SYNPR: variants seen among roughly 807,000 people sequenced by gnomAD.
SYNPR encodes synaptoporin.
In SYNPR, 23 loss-of-function variants were observed where a neutral mutation model predicts 32.9. The observed-to-expected ratio is 0.70, with a 90% confidence interval of 0.50 to 0.99. SYNPR has a LOEUF of 0.99. SYNPR is among the 50% of genes least tolerant of loss of function. The pLI is 0.00. For synonymous variants in SYNPR, 146 were observed against 135.9 expected, an observed-to-expected ratio of 1.07 and a Z score of -0.52; for missense variants, 318 against 349.3, an observed-to-expected ratio of 0.91 and a Z score of 0.71.
intron 2 of SYNPR, among the ~76,000 whole-genome samples, chr3:63,416,684 G>A (rs770174499): frequency 1.6e-4 from 25 of 152,046 alleles, no homozygotes; most frequent in Non-Finnish European, 3.2e-4. Flanking sequence ...GTTCCACGTG[G>A]CTGGGGAGGC....
chr3:63,557,224 C>T (rs1272839736), intron 4 of SYNPR, among the ~76,000 whole-genome samples: 1 of 152,064 alleles, frequency 6.6e-6, no homozygotes, highest in Non-Finnish European at 1.5e-5. Flanking sequence ...CAATATAGCC[C>T]AGCATTTCTA....
chr3:63,347,589 G>A (rs1482529116), intron 2 of SYNPR, among the ~76,000 whole-genome samples: 1 of 152,116 alleles, frequency 6.6e-6, no homozygotes, highest in Non-Finnish European at 1.5e-5. Flanking sequence ...CCTGGATAGT[G>A]TACATTGTAC....
At chr3:63,532,172 A>G (rs1361873099) in intron 3 of SYNPR, among the ~76,000 whole-genome samples, 1 of 152,232 alleles carries the variant, frequency 6.6e-6, no homozygotes, top group Non-Finnish European at 1.5e-5. Flanking sequence ...CTATCAAATT[A>G]AACCATCCTC....
intron 2 of SYNPR, among the ~76,000 whole-genome samples, chr3:63,401,537 A>G: frequency 6.6e-6 from 1 of 152,220 alleles, no homozygotes; most frequent in East Asian, 1.9e-4. Flanking sequence ...GAGAAAACAC[A>G]GAAAAGCTTC....
chr3:63,360,528 C>T (rs764055427), intron 2 of SYNPR, among the ~76,000 whole-genome samples: 57 of 152,208 alleles, frequency 3.7e-4, no homozygotes, highest in Non-Finnish European at 5.9e-4. Flanking sequence ...AAGTAAAACC[C>T]AGTGTCTTGA....
At position 63,408,322 on chromosome 3, in the gene SYNPR, A is replaced by AGGAAGGAAAGAAAGAAAGAAAGAAAG. The variant is rs1291818189; in HGVS notation, c.85-72510_85-72509insGGAAGGAAAGAAAGAAAGAAAGAAAG. ...AAGGAAGGAAGGAAGGAAGGAAGGA[A>AGGAAGGAAAGAAAGAAAGAAAGAAAG]AGAAAGAAAGAAAGAAAGAAAGAAA... On this transcript the variant is annotated intron_variant, in intron 2 of 5. Transcript: ENST00000478300. Among the ~76,000 whole-genome samples, 3 of 109,774 alleles carry AGGAAGGAAAGAAAGAAAGAAAGAAAG rather than the reference A, an allele frequency of 2.7e-5. No homozygotes were observed. In the East Asian group the frequency reaches 9.0e-4, roughly 33 times the overall value. The allele number at this position is 109,774 out of a possible 152,430, so 72.0% of individuals were successfully genotyped here. A position where few individuals can be genotyped will look rare whatever the true frequency, so the allele number is the denominator to read the frequency against.
chr3:63,609,988 T>TTC (rs1444672052), intron 5 of SYNPR, among the ~76,000 whole-genome samples: 1 of 152,152 alleles, frequency 6.6e-6, no homozygotes, highest in African/African-American at 2.4e-5. Flanking sequence ...GGCATACAAG[T>TTC]TCCTGGGGAG....
Position 63,250,252 on chromosome 3 carries a change from A to C in SYNPR, n.67-2247A>C, listed in dbSNP as rs186307069. ...TGGATATGCTAATTGCTCTGGTTTG[A>C]TATACATGTATCAAAATACCAGTCA... On this transcript the variant is annotated intron_variant and non_coding_transcript_variant, in intron 1 of 4. Coordinates refer to the SYNPR transcript ENST00000478456. 3.3e-3 allele frequency among the ~76,000 whole-genome samples: 500 copies of C among 152,260 alleles called. 6 individuals carry two copies. Among genetic ancestry groups the C allele is most frequent in the African/African-American group, 0.011 (476 of 41,564 alleles).
intron 2 of SYNPR, among the ~76,000 whole-genome samples, chr3:63,424,239 C>A (rs1383970399): frequency 6.6e-6 from 1 of 152,096 alleles, no homozygotes; most frequent in Non-Finnish European, 1.5e-5. Flanking sequence ...TGCAACTTTT[C>A]TGTAAATCTG....
At chr3:63,571,703 T>C (rs1349508231) in intron 4 of SYNPR, among the ~76,000 whole-genome samples, 1 of 152,198 alleles carries the variant, frequency 6.6e-6, no homozygotes, top group Non-Finnish European at 1.5e-5. Context: ...CTCTTGCTTA[T>C]ATAAAGTAAT....
At chr3:63,372,326 T>C (rs1446539347) in intron 2 of SYNPR, among the ~76,000 whole-genome samples, 1 of 151,794 alleles carries the variant, frequency 6.6e-6, no homozygotes, top group Non-Finnish European at 1.5e-5. Context: ...ACCCCATCCC[T>C]GGCTGAACAT....
intron 3 of SYNPR, among the ~76,000 whole-genome samples, chr3:63,552,194 G>T (rs763544901): frequency 1.3e-5 from 2 of 152,054 alleles, no homozygotes; most frequent in Non-Finnish European, 2.9e-5. Context: ...CACCGCACCC[G>T]GCCGCATCTG....
chr3:63,229,959 TA>T (rs1272141352), intron 1 of SYNPR, among the ~76,000 whole-genome samples: 2 of 152,178 alleles, frequency 1.3e-5, no homozygotes, highest in Non-Finnish European at 2.9e-5. Context: ...ATTTTCTTTA[TA>T]AAAATGTTTT....
intron 2 of SYNPR, among the ~76,000 whole-genome samples, chr3:63,440,188 A>C (rs1368872585): frequency 6.6e-6 from 1 of 152,196 alleles, no homozygotes; most frequent in African/African-American, 2.4e-5. Flanking sequence ...TGAGTGGCAA[A>C]GGAAGAGAGG....
chr3:63,581,340 T>C (rs1234669186), intron 4 of SYNPR, among the ~76,000 whole-genome samples: 3 of 152,144 alleles, frequency 2.0e-5, no homozygotes, highest in Non-Finnish European at 2.9e-5. Flanking sequence ...GGTAGGTGGT[T>C]GTAGCACTAA....
rs1209501948 is a variant in SYNPR, at chr3:63,408,380, G to GA, written c.85-72448dup. 5.1e-4 allele frequency among the ~76,000 whole-genome samples: 76 copies of GA among 148,456 alleles called. 1 individual carries two copies. Among genetic ancestry groups the GA allele is most frequent in the African/African-American group, 1.7e-3 (68 of 39,814 alleles). On this transcript the variant is annotated intron_variant, in intron 2 of 5. Coordinates refer to ENST00000478300, the MANE Select transcript of SYNPR (RefSeq NM_001130003.2). ...AGAAAGAAAGAAAGAAAGAAAGAAA[G>GA]AAAAGGAAGGAAGGCTTGTTATGGG... is the stretch of plus-strand genomic sequence containing the variant.
At chr3:63,408,277 GAGGA>G (rs71126602) in intron 2 of SYNPR, among the ~76,000 whole-genome samples, 1,089 of 45,468 alleles carry the variant, frequency 0.024, 112 homozygotes, top group Middle Eastern at 0.066. Flanking sequence ...AAGAAAGAAA[GAGGA>G]AGGAAGGAAG....
chr3:63,481,078 C>A lies in SYNPR; in HGVS notation c.209+122C>A. On this transcript the variant is annotated intron_variant, in intron 3 of 5. Coordinates refer to ENST00000478300, the MANE Select transcript of SYNPR (RefSeq NM_001130003.2). ...GGGTAAACAGAAAGTATTCTGCCTGCACCCACGGAATGCCCAAACACAGTG... is the reference window on the plus strand; with the variant it reads ...GGGTAAACAGAAAGTATTCTGCCTGAACCCACGGAATGCCCAAACACAGTG... 3.0e-6 allele frequency: 4 copies of A among 1,355,758 alleles called. No individual in the cohort carries two copies. In the East Asian group the frequency reaches 7.2e-5, roughly 24 times the overall value. The allele number at this position is 1,355,758 out of a possible 1,614,324, so 84.0% of individuals were successfully genotyped here. A position where few individuals can be genotyped will look rare whatever the true frequency, so the allele number is the denominator to read the frequency against.
intron 2 of SYNPR, among the ~76,000 whole-genome samples, chr3:63,395,895 A>G (rs2088206787): frequency 6.6e-6 from 1 of 152,172 alleles, no homozygotes; most frequent in Admixed American, 6.5e-5. Flanking sequence ...TAAAAGTTCT[A>G]AAACATTCCA....
Sources: gnomAD v4.1 joint callset for allele counts (sites outside exome capture counted in the v4.1 genomes callset) on GRCh38, gnomAD v4.1.1 for gene constraint, MANE v1.5 for transcripts, NCBI Gene and HGNC (gene_info 2026-07-23, HGNC 2026-07-21) for gene names.